Variants in LRP2BP observed in about 807,000 individuals in gnomAD.
LRP2BP encodes the protein LRP2 binding protein.
Under a neutral mutation model 45.2 loss-of-function variants are expected in LRP2BP, and 38 were observed. The observed-to-expected ratio is 0.84, with a 90% CI of 0.65 to 1.10. The LOEUF is 1.10. Among genes scored for constraint, LRP2BP ranks in the 50% least tolerant of loss-of-function variants. LRP2BP has a pLI of 0.00. For missense variants in LRP2BP, 385 were observed against 418.9 expected, an observed-to-expected ratio of 0.92 and a Z score of 0.71; for synonymous variants, 153 against 153.9, an observed-to-expected ratio of 0.99 and a Z score of 0.04.
At chr4:185,372,418 A>G (rs1055020379) in intron 7 of LRP2BP, among the ~76,000 whole-genome samples, 5 of 152,242 alleles carry the variant, frequency 3.3e-5, no homozygotes, top group Non-Finnish European at 7.3e-5. Flanking sequence ...GCTAAGTTGC[A>G]TTAGACACAT....
intron 1 of LRP2BP, among the ~76,000 whole-genome samples, chr4:185,389,968 G>A (rs770618257): frequency 6.6e-6 from 1 of 152,132 alleles, no homozygotes; most frequent in Non-Finnish European, 1.5e-5. Flanking sequence ...GTGTTCAACC[G>A]TGAGAATTTA....
intron 6 of LRP2BP, among the ~76,000 whole-genome samples, 190 bp from the exon 7 acceptor site, chr4:185,373,269 G>T (rs563229045): frequency 2.0e-5 from 3 of 152,162 alleles, no homozygotes; most frequent in Non-Finnish European, 4.4e-5. Context: ...GAGTTCCTCC[G>T]CTGTCTGTCC....
rs1410650522 is a variant in LRP2BP at position 185,370,788 on chromosome 4, T to C, written c.830A>G (p.Asp277Gly). 6.2e-7 allele frequency: 1 copy of C among 1,614,140 alleles called. No homozygotes were observed. Among genetic ancestry groups the C allele is most frequent in the Admixed American group, 1.7e-5 (1 of 60,018 alleles). ...KRIADYDEVH[D>G]IPMIAQVTDC... ...TGTGACCTGGGCGATCATGGGGATGTCGTGAACCTCATCATAGTCAGCGAT... is the reference window on the plus strand; with the variant it reads ...TGTGACCTGGGCGATCATGGGGATGCCGTGAACCTCATCATAGTCAGCGAT... The change falls in exon 8 of 9, where the codon GAC becomes GGC. Residue 277 changes from aspartate to glycine, a missense_variant. By Grantham distance (94) the Asp-to-Gly change is moderately conservative. Coordinates refer to ENST00000505916, the MANE Select transcript of LRP2BP (RefSeq NM_001377440.1).
intron 1 of LRP2BP, among the ~76,000 whole-genome samples, chr4:185,390,043 A>C (rs1471813527): frequency 6.6e-6 from 1 of 152,194 alleles, no homozygotes; most frequent in Non-Finnish European, 1.5e-5. Context: ...ATGGAGTTTA[A>C]ATTTTAAAAT....
chr4:185,391,465 C>A (rs1206835609), intron 1 of LRP2BP, among the ~76,000 whole-genome samples: 3 of 152,202 alleles, frequency 2.0e-5, no homozygotes, highest in Non-Finnish European at 2.9e-5. Flanking sequence ...ATTTGAAATT[C>A]TTCTGTAAAG....
At chr4:185,376,862 A>G in intron 3 of LRP2BP, 47 bp downstream of exon 3, 1 of 1,395,052 alleles carries the variant, frequency 7.2e-7, no homozygotes, top group Non-Finnish European at 1.0e-6. Context: ...CTGAGGATCT[A>G]ACAACAGAAT....
chr4:185,384,736 G>GT (rs1481867621), intron 1 of LRP2BP, among the ~76,000 whole-genome samples: 1 of 151,626 alleles, frequency 6.6e-6, no homozygotes, highest in Non-Finnish European at 1.5e-5. Context: ...CCTAACAGTA[G>GT]TTTTTTAAAA....
In LRP2BP at chr4:185,376,990, C is replaced by T. The variant is rs912611989; in HGVS notation, c.135G>A (p.Lys45=). Residue 45 remains lysine (K), a synonymous_variant, in exon 3 of 9, where the codon AAG becomes AAA. Coordinates refer to ENST00000505916, the MANE Select transcript of LRP2BP (RefSeq NM_001377440.1). ...TTCTTTCCTTCAAGAGCTGCAATGCCTTATCCACCAAATTAGCATGGGTGT... is the reference window on the plus strand; with the variant it reads ...TTCTTTCCTTCAAGAGCTGCAATGCTTTATCCACCAAATTAGCATGGGTGT... ...TDYTHANLVD[K]ALQLLKERIL... is the part of the protein sequence containing the mutation. The T allele has an allele frequency of 1.2e-6, 2 of 1,613,528 alleles. No homozygotes were observed. Among genetic ancestry groups the T allele is most frequent in the Admixed American group, 1.7e-5 (1 of 60,006 alleles).
intron 7 of LRP2BP, among the ~76,000 whole-genome samples, chr4:185,372,148 T>TA: frequency 6.6e-6 from 1 of 152,332 alleles, no homozygotes; most frequent in South Asian, 2.1e-4. Flanking sequence ...GTGGTGCAGT[T>TA]ATAGAACTGC....
intron 1 of LRP2BP, among the ~76,000 whole-genome samples, chr4:185,385,096 C>A (rs1353543592): frequency 1.3e-5 from 2 of 152,080 alleles, no homozygotes; most frequent in Admixed American, 1.3e-4. Context: ...AGTCCAGTAG[C>A]TTTTGATTTT....
At chr4:185,377,818 C>T (rs2095443095) in intron 2 of LRP2BP, 2 of 340,280 alleles carry the variant, frequency 5.9e-6, no homozygotes, top group Non-Finnish European at 1.1e-5. Context: ...ACAAACGTGA[C>T]ATCTGCTTTC....
At chr4:185,378,018 C>G (rs2095443853) in intron 2 of LRP2BP, 63 bp downstream of exon 2, 1 of 1,312,430 alleles carries the variant, frequency 7.6e-7, no homozygotes, top group Admixed American at 1.9e-5. Flanking sequence ...CTCGTTTGCT[C>G]TAGCATGCAA....
intron 7 of LRP2BP, among the ~76,000 whole-genome samples, chr4:185,372,429 T>G (rs2095419104): frequency 6.6e-6 from 1 of 152,246 alleles, no homozygotes; most frequent in African/African-American, 2.4e-5. Context: ...TTAGACACAT[T>G]TCAAGTGCTC....
At chr4:185,391,430 TCAC>T (rs2095488108) in intron 1 of LRP2BP, among the ~76,000 whole-genome samples, 2 of 152,214 alleles carry the variant, frequency 1.3e-5, no homozygotes, top group South Asian at 4.1e-4. Context: ...GGAATCGTCT[TCAC>T]CAGGGAATAT....
chr4:185,381,000 A>G (rs1441537162), intron 1 of LRP2BP, among the ~76,000 whole-genome samples: 1 of 152,190 alleles, frequency 6.6e-6, no homozygotes, highest in South Asian at 2.1e-4. Context: ...TTACAGCTTG[A>G]TAGATTTTCA....
chr4:185,374,261 T>C lies in LRP2BP; in HGVS notation c.474-21A>G, dbSNP rs1484961190. 6 of 1,613,996 alleles carry C rather than the reference T, an allele frequency of 3.7e-6. No homozygotes were observed. The Admixed American group carries it at 1.0e-4, about 27-fold the overall frequency. On this transcript the variant is annotated intron_variant, in intron 5 of 8. Transcript: ENST00000505916. ...ACAGTCTACAAGAGAAAGTGAGGCATGTTATTCTCGGTTTCAGCATTTCCT... is the reference window on the plus strand; with the variant it reads ...ACAGTCTACAAGAGAAAGTGAGGCACGTTATTCTCGGTTTCAGCATTTCCT...
intron 7 of LRP2BP, among the ~76,000 whole-genome samples, chr4:185,371,857 A>G (rs892697441): frequency 5.3e-5 from 8 of 152,056 alleles, no homozygotes; most frequent in African/African-American, 1.9e-4. Flanking sequence ...TCTCTTGTAG[A>G]TGACTGCCCT....
At chr4:185,382,672 A>G (rs575093908) in intron 1 of LRP2BP, among the ~76,000 whole-genome samples, 1 of 152,284 alleles carries the variant, frequency 6.6e-6, no homozygotes, top group African/African-American at 2.4e-5. Flanking sequence ...TGTCTATTCA[A>G]AGCTTTTGCC....
chr4:185,366,438 T>C lies in LRP2BP; in HGVS notation c.*742A>G, dbSNP rs576742065. 6.6e-6 allele frequency: 1 copy of C among 152,254 alleles called. No individual in the cohort carries two copies. Among genetic ancestry groups the C allele is most frequent in the African/African-American group, 2.4e-5 (1 of 41,464 alleles). 9.4% of individuals were successfully genotyped at this position (152,254 alleles called of 1,614,324 possible). A position where few individuals can be genotyped will look rare whatever the true frequency, so the allele number is the denominator to read the frequency against. ...CTGCATATGTATGTAGCAGTTGTTT[T>C]ACTCATTAAGATCTTTGAGGGAAGA... On this transcript the variant is annotated 3_prime_UTR_variant, in exon 9 of 9. Transcript: ENST00000505916.
Sources: allele counts gnomAD v4.1 joint callset (sites outside exome capture counted in the v4.1 genomes callset), GRCh38; gene constraint gnomAD v4.1.1; transcripts MANE v1.5; gene names NCBI Gene and HGNC (gene_info 2026-07-23, HGNC 2026-07-21).